Variants in MAGI3 observed in about 807,000 individuals in gnomAD.
MAGI3 encodes the protein membrane-associated guanylate kinase, WW and PDZ domain-containing protein 3.
In MAGI3, 43 loss-of-function variants were observed where a neutral mutation model predicts 121.8. That is an observed-to-expected ratio of 0.35 (90% CI 0.28 to 0.46). The LOEUF is 0.46. Among genes scored for constraint, MAGI3 ranks in the 20% least tolerant of loss-of-function variants. The pLI is 1.00. For missense variants in MAGI3, 1,547 were observed against 1,797.3 expected (o/e 0.86, Z 2.52); for synonymous variants, 553 against 639.3 (o/e 0.86, Z 2.04).
chr1:113,645,505 C>G (rs1054047489), intron 11 of MAGI3, among the ~76,000 whole-genome samples: 2 of 152,010 alleles, frequency 1.3e-5, no homozygotes, highest in Non-Finnish European at 2.9e-5. Flanking sequence ...TCGCAGTGGC[C>G]CTAATGCTTT....
chr1:113,607,384 G>A (rs1055059632), intron 6 of MAGI3, among the ~76,000 whole-genome samples: 17 of 152,024 alleles, frequency 1.1e-4, no homozygotes, highest in South Asian at 6.2e-4. Context: ...GTTGATTTGT[G>A]CCCAGTTAAG....
chr1:113,492,952 A>G (rs1181737042), intron 1 of MAGI3, among the ~76,000 whole-genome samples: 1 of 152,120 alleles, frequency 6.6e-6, no homozygotes, highest in Non-Finnish European at 1.5e-5. Context: ...TATTGCTAAA[A>G]TGGCCATACT....
chr1:113,582,061 C>T (rs1648074367), intron 3 of MAGI3, among the ~76,000 whole-genome samples: 1 of 151,882 alleles, frequency 6.6e-6, no homozygotes, highest in African/African-American at 2.4e-5. Flanking sequence ...TTATTAATTG[C>T]TGTGTGCTCA....
intron 19 of MAGI3, among the ~76,000 whole-genome samples, chr1:113,679,384 T>G (rs1306016475): frequency 1.3e-5 from 2 of 152,110 alleles, no homozygotes; most frequent in Non-Finnish European, 2.9e-5. Flanking sequence ...TTAGTTTGCT[T>G]AGGATAATGA....
chr1:113,531,421 A>G (rs973850662), intron 1 of MAGI3, among the ~76,000 whole-genome samples: 23 of 152,248 alleles, frequency 1.5e-4, no homozygotes, highest in African/African-American at 5.5e-4. Context: ...GTGGGCCTCA[A>G]GGGTGATCTG....
chr1:113,492,890 A>G (rs1030706366), intron 1 of MAGI3, among the ~76,000 whole-genome samples: 1 of 152,242 alleles, frequency 6.6e-6, no homozygotes, highest in Admixed American at 6.5e-5. Context: ...TAAAGAAATC[A>G]GAGATGACAC....
intron 1 of MAGI3, among the ~76,000 whole-genome samples, chr1:113,455,090 A>T (rs556632230): frequency 2.0e-5 from 3 of 152,204 alleles, no homozygotes; most frequent in Non-Finnish European, 4.4e-5. Context: ...GTAGAAATAA[A>T]AAAATAAGCT....
intron 2 of MAGI3, among the ~76,000 whole-genome samples, chr1:113,567,697 TA>T (rs1428442288): frequency 6.6e-6 from 1 of 152,020 alleles, no homozygotes; most frequent in Non-Finnish European, 1.5e-5. Context: ...TTTTTAAAAA[TA>T]CTCAACAAAT....
Position 113,391,692 on chromosome 1 carries a change from G to T in MAGI3, c.316+343G>T, listed in dbSNP as rs1174110882. Among the ~76,000 whole-genome samples the T allele has an allele frequency of 6.6e-6, 1 of 152,178 alleles. No homozygotes were observed. Among genetic ancestry groups the T allele is most frequent in the East Asian group, 1.9e-4 (1 of 5,188 alleles). ...GCCTTTTCCTGTGTTGTGCAAAAAG[G>T]CCCTTAGGATTGTAACATTTTCTTT... On this transcript the variant is annotated intron_variant, in intron 1 of 20. Coordinates refer to ENST00000307546, the MANE Select transcript of MAGI3 (RefSeq NM_001142782.2). The surrounding 1 kb of genome is among the most constrained non-coding windows in gnomAD (Gnocchi z 4.4).
chr1:113,683,260 A>ATT lies in MAGI3; in HGVS notation c.3693_3694dup (p.Ser1232PhefsTer13), dbSNP rs1648328185. 1 of 1,613,088 alleles carries ATT rather than the reference A, an allele frequency of 6.2e-7. No homozygotes were observed. Among genetic ancestry groups the ATT allele is most frequent in the South Asian group, 1.1e-5 (1 of 90,866 alleles). On this transcript the variant is annotated frameshift_variant, in exon 21 of 21. Coordinates refer to ENST00000307546, the MANE Select transcript of MAGI3 (RefSeq NM_001142782.2). LOFTEE classifies it low-confidence loss of function (END_TRUNC). Reference sequence around the variant, plus strand: ...AGTCCCAAAAAGCCAGCCAGTCAACATTCAGAGGAACATTTGGATAAGATT... The same window carrying ATT: ...AGTCCCAAAAAGCCAGCCAGTCAACATTTTCAGAGGAACATTTGGATAAGATT...
intron 1 of MAGI3, among the ~76,000 whole-genome samples, chr1:113,521,505 A>G (rs535836119): frequency 2.0e-5 from 3 of 150,750 alleles, no homozygotes; most frequent in East Asian, 2.0e-4. Flanking sequence ...TTCCGGGTTC[A>G]TGCCATTCTC....
At chr1:113,538,330 GTTA>G (rs1348484819) in intron 1 of MAGI3, among the ~76,000 whole-genome samples, 2 of 152,144 alleles carry the variant, frequency 1.3e-5, no homozygotes, top group Non-Finnish European at 2.9e-5. Flanking sequence ...ACTAAACCCA[GTTA>G]TTATGTTTTC....
chr1:113,533,041 C>A (rs755351170), intron 1 of MAGI3, among the ~76,000 whole-genome samples: 9 of 152,114 alleles, frequency 5.9e-5, no homozygotes, highest in Non-Finnish European at 1.3e-4. Flanking sequence ...GGTCTCGTTA[C>A]CTGTGTGCCT....
At chr1:113,668,113 A>G (rs1647273369) in intron 16 of MAGI3, among the ~76,000 whole-genome samples, 1 of 152,218 alleles carries the variant, frequency 6.6e-6, no homozygotes, top group African/African-American at 2.4e-5. Flanking sequence ...ATAATGAAAA[A>G]GTTAGAAATT....
intron 1 of MAGI3, among the ~76,000 whole-genome samples, chr1:113,483,220 A>G (rs1023625378): frequency 4.6e-5 from 7 of 152,208 alleles, no homozygotes; most frequent in African/African-American, 9.7e-5. Flanking sequence ...TGATATTTAC[A>G]TATGGGATCT....
intron 1 of MAGI3, among the ~76,000 whole-genome samples, chr1:113,477,832 A>G (rs1299206752): frequency 1.3e-5 from 2 of 152,154 alleles, no homozygotes; most frequent in African/African-American, 2.4e-5. Flanking sequence ...TTGCCAACTT[A>G]GTTCCATTCT....
intron 2 of MAGI3, among the ~76,000 whole-genome samples, chr1:113,578,767 T>C (rs2101716445): frequency 6.6e-6 from 1 of 152,040 alleles, no homozygotes; most frequent in East Asian, 1.9e-4. Context: ...GTATTAAAAA[T>C]TAAAGGAAAA....
intron 1 of MAGI3, among the ~76,000 whole-genome samples, chr1:113,532,663 A>G (rs1391176146): frequency 7.9e-5 from 12 of 152,204 alleles, no homozygotes; most frequent in Non-Finnish European, 1.6e-4. Context: ...CTTCAATAGC[A>G]ACAAAAGTGT....
At chr1:113,609,387 A>G (rs1649984792) in intron 6 of MAGI3, among the ~76,000 whole-genome samples, 1 of 152,190 alleles carries the variant, frequency 6.6e-6, no homozygotes, top group Non-Finnish European at 1.5e-5. Context: ...CAGTCTTCTG[A>G]TATTCTGAAC....
Sources: gnomAD v4.1 joint callset for allele counts (sites outside exome capture counted in the v4.1 genomes callset) on GRCh38, gnomAD v4.1.1 for gene constraint, Gnocchi (gnomAD v3.1) non-coding constraint, MANE v1.5 for transcripts, NCBI Gene and HGNC (gene_info 2026-07-23, HGNC 2026-07-21) for gene names.